The following SLC15A1 variants were observed in gnomAD, a reference collection of about 807,000 sequenced individuals.
SLC15A1 encodes the protein solute carrier family 15 member 1.
SLC15A1 carries 83 observed loss-of-function variants against 92.9 expected under a neutral mutation model. The observed-to-expected ratio is 0.89, with a 90% CI of 0.75 to 1.07. SLC15A1 has a LOEUF of 1.07. SLC15A1 is among the 50% of genes least tolerant of loss of function. The pLI is 0.00. For missense variants in SLC15A1, 857 were observed against 880.1 expected, an observed-to-expected ratio of 0.97 and a Z score of 0.33; for synonymous variants, 322 against 318.2, an observed-to-expected ratio of 1.01 and a Z score of -0.13.
chr13:98,700,359 C>A (rs1431609230), intron 18 of SLC15A1, among the ~76,000 whole-genome samples: 1 of 151,812 alleles, frequency 6.6e-6, no homozygotes, highest in Non-Finnish European at 1.5e-5. Flanking sequence ...GTGGTACATG[C>A]CTGTAGTCCC....
At chr13:98,695,777 T>C (rs1200786343) in intron 18 of SLC15A1, among the ~76,000 whole-genome samples, 2 of 152,208 alleles carry the variant, frequency 1.3e-5, no homozygotes, top group African/African-American at 4.8e-5. Context: ...AGCTTACTGA[T>C]ACCACATAGT....
intron 18 of SLC15A1, among the ~76,000 whole-genome samples, chr13:98,700,032 A>G (rs1183951391): frequency 1.3e-5 from 2 of 152,216 alleles, no homozygotes; most frequent in African/African-American, 2.4e-5. Flanking sequence ...TGCACACTGT[A>G]TAATTCTATT....
chr13:98,707,598 A>C, intron 15 of SLC15A1, among the ~76,000 whole-genome samples: 1 of 152,176 alleles, frequency 6.6e-6, no homozygotes, highest in East Asian at 1.9e-4. Context: ...AACGCTACTG[A>C]ACTGTACACT....
chr13:98,748,918 G>A (rs1313790406), intron 1 of SLC15A1, among the ~76,000 whole-genome samples: 2 of 152,210 alleles, frequency 1.3e-5, no homozygotes, highest in African/African-American at 2.4e-5. Context: ...GAGGCCCAGC[G>A]AGCCCCACTG....
intron 18 of SLC15A1, 76 bp from the exon 19 acceptor site, chr13:98,688,653 G>A (rs2139560744): frequency 5.8e-6 from 6 of 1,026,716 alleles, no homozygotes; most frequent in East Asian, 2.4e-5. Context: ...TGCACCTGAA[G>A]TTGGGCAATA....
intron 15 of SLC15A1, among the ~76,000 whole-genome samples, chr13:98,706,622 G>A (rs1485856481): frequency 6.6e-6 from 1 of 152,152 alleles, no homozygotes. Context: ...TTTTATAAGG[G>A]AAAACCCCTT....
Position 98,684,565 on chromosome 13 carries a change from AAAAG to A in SLC15A1, c.*155_*158del, listed in dbSNP as rs2087915178. The A allele has an allele frequency of 1.7e-5, 8 of 463,522 alleles. No individual in the cohort carries two copies. Among genetic ancestry groups the A allele is most frequent in the South Asian group, 4.7e-5 (1 of 21,116 alleles). 28.7% of individuals were successfully genotyped at this position (463,522 alleles called of 1,614,324 possible). A position where few individuals can be genotyped will look rare whatever the true frequency, so the allele number is the denominator to read the frequency against. ...TGTCTCAAAAAAAAAAAAAAAAAAA[AAAAG>A]AAAAGAAAAAGAAAAAAGAAAATAG... On this transcript the variant is annotated 3_prime_UTR_variant, in exon 23 of 23. Coordinates refer to ENST00000376503, the MANE Select transcript of SLC15A1 (RefSeq NM_005073.4).
intron 16 of SLC15A1, among the ~76,000 whole-genome samples, chr13:98,705,496 A>G (rs1175742533): frequency 6.6e-6 from 1 of 152,074 alleles, no homozygotes; most frequent in Non-Finnish European, 1.5e-5. Context: ...TAGCATCAAA[A>G]TCTCCCCCAG....
chr13:98,720,014 C>T lies in SLC15A1; in HGVS notation c.557-694G>A, dbSNP rs999920479. ...AAAAGTAAGCCTTTGTAAGAAGTCA[C>T]GGAGATTCCTGGAAATCCTTTCTAT... On this transcript the variant is annotated intron_variant, in intron 7 of 22. Transcript: ENST00000376503. Among the ~76,000 whole-genome samples, 6 of 152,162 alleles carry T rather than the reference C, an allele frequency of 3.9e-5. No homozygotes were observed. The East Asian group carries it at 7.7e-4, about 20-fold the overall frequency.
intron 14 of SLC15A1, 30 bp downstream of exon 14, chr13:98,709,542 C>T (rs1284566852): frequency 6.2e-7 from 1 of 1,607,258 alleles, no homozygotes. Context: ...CCAAGGGAGC[C>T]TCAACCAACC....
intron 18 of SLC15A1, among the ~76,000 whole-genome samples, chr13:98,688,845 T>C (rs1356864925): frequency 6.6e-6 from 1 of 152,248 alleles, no homozygotes; most frequent in Non-Finnish European, 1.5e-5. Flanking sequence ...CTAACCTAGT[T>C]CAATACATTA....
chr13:98,702,710 C>T (rs943200616), intron 17 of SLC15A1, among the ~76,000 whole-genome samples, 181 bp from the exon 18 acceptor site: 1 of 151,980 alleles, frequency 6.6e-6, no homozygotes, highest in African/African-American at 2.4e-5. Context: ...AATCCCAGCA[C>T]TTTGGGAGGC....
At chr13:98,696,511 G>T (rs1041760837) in intron 18 of SLC15A1, among the ~76,000 whole-genome samples, 1 of 152,086 alleles carries the variant, frequency 6.6e-6, no homozygotes, top group African/African-American at 2.4e-5. Context: ...ATTGCTCAAA[G>T]TTTCCAAGGT....
In SLC15A1 at chr13:98,686,312, CAAAGT is replaced by C; in HGVS notation, c.1828-20_1828-16del. The C allele has an allele frequency of 6.4e-7, 1 of 1,572,262 alleles. No homozygotes were observed. Among genetic ancestry groups the C allele is most frequent in the Non-Finnish European group, 8.7e-7 (1 of 1,149,102 alleles). ...TTGGAAGGAGCCTGAGGAAGCAAAG[CAAAGT>C]GAGTCCTGCTCCAGGTCTCACCCTC... On this transcript the variant is annotated splice_polypyrimidine_tract_variant and intron_variant, in intron 21 of 22. Coordinates refer to ENST00000376503, the MANE Select transcript of SLC15A1 (RefSeq NM_005073.4).
intron 18 of SLC15A1, among the ~76,000 whole-genome samples, chr13:98,696,553 G>A (rs1163076988): frequency 2.0e-5 from 3 of 152,154 alleles, no homozygotes; most frequent in Admixed American, 1.3e-4. Flanking sequence ...GTAAAGCAAC[G>A]GAAACCACAT....
chr13:98,709,834 A>G, intron 12 of SLC15A1, 33 bp downstream of exon 12: 1 of 1,614,192 alleles, frequency 6.2e-7, no homozygotes, highest in Non-Finnish European at 8.5e-7. Context: ...AAGAAAGGGG[A>G]CAAAGAAACT....
chr13:98,698,835 T>C (rs574778842), intron 18 of SLC15A1, among the ~76,000 whole-genome samples: 89 of 152,322 alleles, frequency 5.8e-4, no homozygotes, highest in African/African-American at 2.1e-3. Flanking sequence ...TATTACTGTG[T>C]GTTTTATTGC....
rs117461307 is a variant in SLC15A1 at position 98,734,304 on chromosome 13, C to T, written c.5-7445G>A. ...TTGAAAGTATGTATCATCGATATAG[C>T]TCCCCTTTCCAAGATGGCCAAATAG... is the stretch of plus-strand genomic sequence containing the variant. On this transcript the variant is annotated intron_variant, in intron 1 of 22. Transcript: ENST00000376503. Among the ~76,000 whole-genome samples, 1,266 of 152,314 alleles carry T rather than the reference C, an allele frequency of 8.3e-3. 8 individuals are homozygous for T. The highest frequency in any genetic ancestry group is 0.011 in the Non-Finnish European group (781 of 68,026).
intron 1 of SLC15A1, among the ~76,000 whole-genome samples, chr13:98,733,893 C>G (rs1157317130): frequency 1.3e-5 from 2 of 152,190 alleles, no homozygotes; most frequent in Non-Finnish European, 2.9e-5. Flanking sequence ...GATTGAATCA[C>G]AGGGGTCTAG....
Sources: gnomAD v4.1 joint callset for allele counts (sites outside exome capture counted in the v4.1 genomes callset) on GRCh38, gnomAD v4.1.1 for gene constraint, MANE v1.5 for transcripts, NCBI Gene and HGNC (gene_info 2026-07-23, HGNC 2026-07-21) for gene names.